Variants in NUP50 observed in about 807,000 individuals in gnomAD.
The protein encoded by NUP50 is nuclear pore complex protein Nup50.
NUP50 carries 14 observed loss-of-function variants against 36.8 expected under a neutral mutation model. The ratio of observed to expected loss-of-function variants is 0.38; its 90% CI spans 0.25 to 0.59. The LOEUF (loss-of-function observed/expected upper bound fraction) is 0.59, where lower values mean the gene tolerates loss of function less well. Ranked by LOEUF, NUP50 falls within the 20% of genes least tolerant of loss-of-function variation. The probability of loss-of-function intolerance (pLI) is 0.63; values close to 1 mark genes in which losing one functional copy is unlikely to be tolerated. For missense variants in NUP50, 455 were observed against 564.6 expected, an observed-to-expected ratio of 0.81 and a Z score of 1.97; for synonymous variants, 195 against 210.8, an observed-to-expected ratio of 0.93 and a Z score of 0.65.
intron 1 of NUP50, among the ~76,000 whole-genome samples, chr22:45,167,527 G>C (rs543072268): frequency 2.0e-4 from 30 of 152,244 alleles, no homozygotes; most frequent in African/African-American, 7.2e-4. Flanking sequence ...GTTTTTGAAA[G>C]GTTATAAGTT....
intron 5 of NUP50, 62 bp downstream of exon 5, chr22:45,178,962 CAG>C: frequency 6.7e-7 from 1 of 1,484,438 alleles, no homozygotes; most frequent in Non-Finnish European, 9.1e-7. Flanking sequence ...TTGGGAAACC[CAG>C]AGACTTTGAT....
intron 4 of NUP50, among the ~76,000 whole-genome samples, chr22:45,176,854 G>A (rs1156376566): frequency 6.6e-6 from 1 of 152,022 alleles, no homozygotes; most frequent in Non-Finnish European, 1.5e-5. Flanking sequence ...CGATTCTCCT[G>A]CCTCAGCCTC....
intron 3 of NUP50, 127 bp from the exon 4 acceptor site, chr22:45,175,766 GT>G (rs2074266816): frequency 2.9e-6 from 2 of 698,864 alleles, no homozygotes; most frequent in African/African-American, 3.6e-5. Flanking sequence ...TGTGCCAGCA[GT>G]TTGCCTTATA....
At position 45,171,674 on chromosome 22, in the gene NUP50, T is replaced by G; in HGVS notation, c.144T>G (p.Val48=). Residue 48 remains valine, a synonymous_variant, in exon 3 of 8, where the codon GTT becomes GTG. Transcript: ENST00000347635. ...TAAAGAAAGCAAAGCGCAGAAATGT[T>G]GGATTTGAAGTGAGTGCCCCCTTAC... ...RAIKKAKRRN[V]GFESDTGGAF... is the part of the protein sequence containing the mutation. The G allele has an allele frequency of 6.2e-7, 1 of 1,614,086 alleles. No individual in the cohort carries two copies. Among genetic ancestry groups the G allele is most frequent in the Non-Finnish European group, 8.5e-7 (1 of 1,179,936 alleles).
At chr22:45,167,717 A>G (rs1345962981) in intron 1 of NUP50, among the ~76,000 whole-genome samples, 4 of 152,234 alleles carry the variant, frequency 2.6e-5, no homozygotes, top group African/African-American at 9.6e-5. Flanking sequence ...TCTTACTGAA[A>G]GATACACTTC....
At position 45,181,319 on chromosome 22, in the gene NUP50, AAGT is replaced by A. The variant is rs772665662; in HGVS notation, c.1044_1046del (p.Val349del). 1 of 1,594,740 alleles carries A rather than the reference AAGT, an allele frequency of 6.3e-7. No homozygotes were observed. The highest frequency in any genetic ancestry group is 8.5e-7 in the Non-Finnish European group (1 of 1,175,262). ...GAAGAAGAGAATGATGAGCCACCCA[AAGT>A]AGTAGTTACCGAAGTAAAAGAAGAA... is the stretch of plus-strand genomic sequence containing the variant. On this transcript the variant is annotated inframe_deletion, in exon 6 of 8. Coordinates refer to ENST00000347635, the MANE Select transcript of NUP50 (RefSeq NM_007172.4).
chr22:45,169,983 A>G (rs2074159763), intron 2 of NUP50, among the ~76,000 whole-genome samples: 1 of 152,232 alleles, frequency 6.6e-6, no homozygotes. Flanking sequence ...AGTTCTTAGT[A>G]GATAGCAGTA....
intron 3 of NUP50, 24 bp downstream of exon 3, chr22:45,171,707 G>A (rs1389211723): frequency 6.3e-7 from 1 of 1,589,186 alleles, no homozygotes; most frequent in African/African-American, 1.3e-5. Flanking sequence ...TACAGCTCTT[G>A]CTATTAAATA....
chr22:45,174,990 G>C (rs1312410976), intron 3 of NUP50, among the ~76,000 whole-genome samples: 2 of 151,118 alleles, frequency 1.3e-5, no homozygotes, highest in African/African-American at 4.9e-5. Context: ...GTGAAATCAT[G>C]GTTATAATTC....
chr22:45,179,736 A>G (rs2074336154), intron 5 of NUP50, among the ~76,000 whole-genome samples: 1 of 152,094 alleles, frequency 6.6e-6, no homozygotes, highest in Admixed American at 6.5e-5. Flanking sequence ...ATTTTTAAAA[A>G]TTAGCCAGGC....
chr22:45,178,582 A>C lies in NUP50; in HGVS notation c.685A>C (p.Lys229Gln), dbSNP rs2074314706. 1.2e-6 allele frequency: 2 copies of C among 1,611,920 alleles called. No homozygotes were observed. Among genetic ancestry groups the C allele is most frequent in the Non-Finnish European group, 1.7e-6 (2 of 1,179,864 alleles). Residue 229 changes from lysine (K) to glutamine (Q), a missense_variant, in exon 5 of 8, where the codon AAA becomes CAA. Physicochemically the swap from Lys to Gln is moderately conservative, Grantham distance 53. Around this residue, in one of 3 missense-constraint regions of NUP50, gnomAD observed 287 missense variants for 345.5 expected, o/e 0.83. Transcript: ENST00000347635. ...TQSPSLFGST[K>Q]LQQESTFLFH... is the part of the protein sequence containing the mutation. ...GTCTCCTTCCCTTTTTGGCTCAACA[A>C]AATTACAGCAAGAGTCAACGTTTTT... is the stretch of plus-strand genomic sequence containing the variant.
At chr22:45,171,384 C>T (rs992253746) in intron 2 of NUP50, among the ~76,000 whole-genome samples, 1 of 152,036 alleles carries the variant, frequency 6.6e-6, no homozygotes, top group Non-Finnish European at 1.5e-5. Flanking sequence ...TTTTTAGTAG[C>T]GACAGAGTTT....
In NUP50 at chr22:45,178,667, A is replaced by AGAAAACGGACCCATCATCACTAGGAGC. The variant is rs1295953700; in HGVS notation, c.773_799dup (p.Lys258_Ala266dup). On this transcript the variant is annotated inframe_insertion, in exon 5 of 8. Transcript: ENST00000347635. ...AAGAAGATGGAGGTGGCATCTGAAA[A>AGAAAACGGACCCATCATCACTAGGAGC]GAAAACGGACCCATCATCACTAGGA... The AGAAAACGGACCCATCATCACTAGGAGC allele has an allele frequency of 6.2e-7, 1 of 1,611,958 alleles. No homozygotes were observed. Among genetic ancestry groups the AGAAAACGGACCCATCATCACTAGGAGC allele is most frequent in the African/African-American group, 1.3e-5 (1 of 74,850 alleles).
chr22:45,173,207 T>C (rs1024475910), intron 3 of NUP50, among the ~76,000 whole-genome samples: 6 of 152,254 alleles, frequency 3.9e-5, no homozygotes, highest in African/African-American at 9.6e-5. Context: ...TAATTAATTA[T>C]ATTTTGCTTA....
chr22:45,172,488 A>G (rs563948528), intron 3 of NUP50, among the ~76,000 whole-genome samples: 2 of 152,262 alleles, frequency 1.3e-5, no homozygotes, highest in East Asian at 1.9e-4. Flanking sequence ...GAGGATCTCA[A>G]ATGGTCAGGT....
Position 45,186,320 on chromosome 22 carries a change from A to C in NUP50, c.*1665A>C, listed in dbSNP as rs2074471117. The C allele has an allele frequency of 6.6e-6, 1 of 152,214 alleles. No homozygotes were observed. Among genetic ancestry groups the C allele is most frequent in the African/African-American group, 2.4e-5 (1 of 41,452 alleles). The allele number at this position is 152,214 out of a possible 1,614,324, so 9.4% of individuals were successfully genotyped here. A position where few individuals can be genotyped will look rare whatever the true frequency, so the allele number is the denominator to read the frequency against. On this transcript the variant is annotated 3_prime_UTR_variant, in exon 8 of 8. Coordinates refer to ENST00000347635, the MANE Select transcript of NUP50 (RefSeq NM_007172.4). The stretch of plus-strand genomic sequence containing the variant: ...TACACTGACTTTTTAAGAATGGAGA[A>C]TGCACGTGGGTTTCTGTTGCGGATG...
rs188799293 is a variant in NUP50, at chr22:45,184,011, G to A, written c.1205-442G>A. Reference sequence around the variant, plus strand: ...CTCCAGGGAGGCATTTTTCTTTCCCGTGGGCTTGACTAGGGAGTAATAACA... The same window carrying A: ...CTCCAGGGAGGCATTTTTCTTTCCCATGGGCTTGACTAGGGAGTAATAACA... On this transcript the variant is annotated intron_variant, in intron 7 of 7. Transcript: ENST00000347635. 1.4e-4 allele frequency: 28 copies of A among 203,334 alleles called. 1 individual carries two copies. In the East Asian group the frequency reaches 1.5e-3, roughly 11 times the overall value. The allele number at this position is 203,334 out of a possible 1,614,324, so 12.6% of individuals were successfully genotyped here. A position where few individuals can be genotyped will look rare whatever the true frequency, so the allele number is the denominator to read the frequency against.
intron 5 of NUP50, chr22:45,180,222 T>C (rs930182851): frequency 6.6e-6 from 1 of 152,236 alleles, no homozygotes; most frequent in Non-Finnish European, 1.5e-5. Flanking sequence ...TATCACAGTT[T>C]AAGCATCAGA....
chr22:45,164,618 C>T (rs1601761560), intron 1 of NUP50: 1 of 137,916 alleles, frequency 7.3e-6, no homozygotes, highest in Non-Finnish European at 1.6e-5. Flanking sequence ...GGGCGGGGCG[C>T]GCGGTGGGGG....
Sources: allele counts gnomAD v4.1 joint callset (sites outside exome capture counted in the v4.1 genomes callset), GRCh38; gene constraint gnomAD v4.1.1; regional missense constraint gnomAD v4.1.1; transcripts MANE v1.5; gene names NCBI Gene and HGNC (gene_info 2026-07-23, HGNC 2026-07-21).